CARD8: variants seen among roughly 807,000 people sequenced by gnomAD.
The protein encoded by CARD8 is caspase recruitment domain-containing protein 8.
A neutral mutation model predicts 53.2 loss-of-function variants in CARD8; 38 were observed. The observed-to-expected ratio is 0.71, with a 90% CI of 0.55 to 0.94. The LOEUF (loss-of-function observed/expected upper bound fraction) is 0.94. CARD8 is among the 40% of genes least tolerant of loss of function. The probability of loss-of-function intolerance (pLI) is 0.00; values close to 1 mark genes in which losing one functional copy is unlikely to be tolerated. For synonymous variants in CARD8, 245 were observed against 244.9 expected (o/e 1.00, Z 0.00); for missense variants, 561 against 655.5 (o/e 0.86, Z 1.57).
At chr19:48,204,011 TGCAG>T, downstream of CARD8, 3 of 371,316 alleles carry the variant, frequency 8.1e-6, no homozygotes, top group Non-Finnish European at 1.6e-5. Context: ...TCTGAGCATG[TGCAG>T]GCTGCGGGGT....
intron 11 of CARD8, among the ~76,000 whole-genome samples, chr19:48,219,541 C>G (rs529158013): frequency 5.6e-4 from 86 of 152,238 alleles, no homozygotes; most frequent in South Asian, 1.2e-3. Context: ...ATGCAAATCT[C>G]TAGTTTCTTC....
chr19:48,234,668 C>G, intron 5 of CARD8, 125 bp from the exon 6 acceptor site: 1 of 798,050 alleles, frequency 1.3e-6, no homozygotes, highest in Non-Finnish European at 1.9e-6. Flanking sequence ...GGAAGTCATT[C>G]CTCAGGCCCC....
At chr19:48,243,165 A>G (rs1029528094) in intron 3 of CARD8, among the ~76,000 whole-genome samples, 1 of 152,148 alleles carries the variant, frequency 6.6e-6, no homozygotes, top group Non-Finnish European at 1.5e-5. Flanking sequence ...TGCGTGAGCC[A>G]TGACGCCTGG....
chr19:48,239,887 G>A (rs1236301751), intron 4 of CARD8, among the ~76,000 whole-genome samples: 5 of 152,134 alleles, frequency 3.3e-5, no homozygotes, highest in Non-Finnish European at 7.3e-5. Context: ...GTAGATCAGT[G>A]TCTGCTCCTG....
Position 48,211,200 on chromosome 19 carries a change from A to G in CARD8, c.*510T>C, listed in dbSNP as rs954364689. ...TGTTCTAATAACAGTAGCCATAGAT[A>G]AAGTGTTAAAGTCCTAACATACAAA... On this transcript the variant is annotated 3_prime_UTR_variant, in exon 14 of 14. Transcript: ENST00000651546. 6.5e-6 allele frequency: 1 copy of G among 153,116 alleles called. No homozygotes were observed. Among genetic ancestry groups the G allele is most frequent in the African/African-American group, 2.4e-5 (1 of 41,450 alleles). 9.5% of individuals were successfully genotyped at this position (153,116 alleles called of 1,614,324 possible).
At chr19:48,231,091 A>C (rs2042795868) in intron 8 of CARD8, 85 bp from the exon 9 acceptor site, 7 of 1,121,288 alleles carry the variant, frequency 6.2e-6, no homozygotes, top group Non-Finnish European at 7.9e-6. Context: ...GTGGGATTTG[A>C]AGTGAGGCAA....
chr19:48,212,536 T>C (rs1295065346), intron 13 of CARD8, among the ~76,000 whole-genome samples: 3 of 152,244 alleles, frequency 2.0e-5, no homozygotes, highest in Non-Finnish European at 1.5e-5. Context: ...AATGTCTGTA[T>C]AAACTTGGCC....
intron 10 of CARD8, among the ~76,000 whole-genome samples, chr19:48,226,476 C>G (rs980129973): frequency 6.6e-6 from 1 of 152,112 alleles, no homozygotes; most frequent in Non-Finnish European, 1.5e-5. Flanking sequence ...CTGCTTGCCT[C>G]GGCCTCCCAA....
At chr19:48,232,671 C>T (rs920421465) in intron 6 of CARD8, 178 bp from the exon 7 acceptor site, 2 of 695,870 alleles carry the variant, frequency 2.9e-6, no homozygotes, top group Non-Finnish European at 5.2e-6. Context: ...TTCTCAGTTG[C>T]ACTATCCATA....
At chr19:48,253,898 T>C (rs569958345) in intron 1 of CARD8, among the ~76,000 whole-genome samples, 1 of 152,264 alleles carries the variant, frequency 6.6e-6, no homozygotes, top group East Asian at 1.9e-4. Context: ...ATATAAAAAA[T>C]TGACCAAAGC....
rs373072756 is a variant in CARD8, at chr19:48,223,717, A to G, written c.1036-1862T>C. 3.8e-5 allele frequency: 15 copies of G among 393,702 alleles called. No homozygotes were observed. The East Asian group carries it at 8.0e-4, about 21-fold the overall frequency. 24.4% of individuals were successfully genotyped at this position (393,702 alleles called of 1,614,324 possible). A position where few individuals can be genotyped will look rare whatever the true frequency, so the allele number is the denominator to read the frequency against. ...GATTTCTGTAGGTGTTGAGAGACATACCACTGGATTAATTTTCTTAACCTT... is the reference window on the plus strand; with the variant it reads ...GATTTCTGTAGGTGTTGAGAGACATGCCACTGGATTAATTTTCTTAACCTT... On this transcript the variant is annotated intron_variant, in intron 10 of 13. Transcript: ENST00000651546.
Position 48,238,411 on chromosome 19 carries a change from G to GA in CARD8, c.180dup (p.Gln61SerfsTer3), listed in dbSNP as rs753299915. 2.7e-5 allele frequency: 42 copies of GA among 1,535,732 alleles called. No individual in the cohort carries two copies. The highest frequency in any genetic ancestry group is 3.1e-5 in the Non-Finnish European group (35 of 1,146,808). On this transcript the variant is annotated frameshift_variant, in exon 5 of 14. Coordinates refer to ENST00000651546, the MANE Select transcript of CARD8 (RefSeq NM_001184900.3). LOFTEE classifies it high-confidence loss of function. Reference sequence around the variant, plus strand: ...TCATTTGTCACACAGGCCTCAGCCTGAAAAAAAATTCCAGTTTTTGTGTAT... The same window carrying GA: ...TCATTTGTCACACAGGCCTCAGCCTGAAAAAAAAATTCCAGTTTTTGTGTAT...
chr19:48,244,584 T>C (rs2045795045), intron 3 of CARD8, among the ~76,000 whole-genome samples: 2 of 152,148 alleles, frequency 1.3e-5, no homozygotes, highest in African/African-American at 2.4e-5. Context: ...GAGCAGGAGA[T>C]AAATGTGGTA....
chr19:48,221,425 G>A (rs963278424), intron 11 of CARD8, among the ~76,000 whole-genome samples: 9 of 152,104 alleles, frequency 5.9e-5, no homozygotes, highest in South Asian at 2.1e-4. Context: ...TATTAAGTGC[G>A]TTAGTTAGGC....
intron 12 of CARD8, among the ~76,000 whole-genome samples, chr19:48,216,706 T>C (rs531147422): frequency 2.0e-5 from 3 of 152,150 alleles, no homozygotes; most frequent in African/African-American, 7.2e-5. Flanking sequence ...GGAAGGAAGA[T>C]CAGTGACTGA....
At chr19:48,207,736 T>TTTTTTTTTTG (rs1568595508), downstream of CARD8, among the ~76,000 whole-genome samples, 741 of 90,566 alleles carry the variant, frequency 8.2e-3, 5 homozygotes, top group African/African-American at 0.027. Context: ...GTTTTTCTGT[T>TTTTTTTTTTG]TTTTTTTTTT....
At chr19:48,232,570 T>C (rs903421770) in intron 6 of CARD8, 77 bp from the exon 7 acceptor site, 43 of 1,274,046 alleles carry the variant, frequency 3.4e-5, no homozygotes, top group Admixed American at 2.4e-4. Context: ...GACGATGTTA[T>C]TGAAAACTAG....
At chr19:48,232,518 CA>C in intron 6 of CARD8, 25 bp from the exon 7 acceptor site, 1 of 1,531,216 alleles carries the variant, frequency 6.5e-7, no homozygotes, top group Non-Finnish European at 8.8e-7. Context: ...CCCCATGTTA[CA>C]AAAAGATGAA....
Position 48,221,856 on chromosome 19 carries a change from C to A in CARD8, c.1036-1G>T. On this transcript the variant is annotated splice_acceptor_variant, in intron 10 of 13. Transcript: ENST00000651546. LOFTEE classifies it high-confidence loss of function. The stretch of plus-strand genomic sequence containing the variant: ...AGCGATCTTCCTCATCATCTATCGC[C>A]TAAGGAAGAAGGGGCAGAAACATTA... 6.3e-7 allele frequency: 1 copy of A among 1,586,384 alleles called. No individual in the cohort carries two copies. Among genetic ancestry groups the A allele is most frequent in the South Asian group, 1.1e-5 (1 of 87,572 alleles).
Sources: allele counts gnomAD v4.1 joint callset (sites outside exome capture counted in the v4.1 genomes callset), GRCh38; gene constraint gnomAD v4.1.1; transcripts MANE v1.5; gene names NCBI Gene and HGNC (gene_info 2026-07-23, HGNC 2026-07-21).